The following FGF12 variants were observed in gnomAD, a reference collection of about 807,000 sequenced individuals.
FGF12 encodes the protein fibroblast growth factor 12.
In FGF12, 14 loss-of-function variants were observed where a neutral mutation model predicts 23.6. The ratio of observed to expected loss-of-function variants is 0.59; its 90% CI spans 0.39 to 0.93. The LOEUF is 0.93. Among genes scored for constraint, FGF12 ranks in the 40% least tolerant of loss-of-function variants. The pLI, the probability that FGF12 is intolerant of heterozygous loss-of-function variation, is 0.00. For synonymous variants in FGF12, 62 were observed against 77.3 expected (o/e 0.80, Z 1.04); for missense variants, 175 against 217.8 (o/e 0.80, Z 1.24).
chr3:192,333,757 G>C (rs543829902), intron 4 of FGF12, among the ~76,000 whole-genome samples: 4 of 152,044 alleles, frequency 2.6e-5, no homozygotes, highest in Non-Finnish European at 4.4e-5. Context: ...AGTGAAAATC[G>C]ATGGACAAAA....
intron 2 of FGF12, among the ~76,000 whole-genome samples, chr3:192,375,913 T>C (rs1719472093): frequency 6.6e-6 from 1 of 152,224 alleles, no homozygotes; most frequent in East Asian, 1.9e-4. Context: ...TTGTAGTTAA[T>C]CTGTCTTTTC....
At chr3:192,249,177 C>G (rs1032759678) in intron 4 of FGF12, among the ~76,000 whole-genome samples, 4 of 151,982 alleles carry the variant, frequency 2.6e-5, no homozygotes, top group Non-Finnish European at 4.4e-5. Context: ...TAACTCCCAT[C>G]CAAGGTCCCT....
intron 4 of FGF12, among the ~76,000 whole-genome samples, chr3:192,300,465 C>T (rs1018749584): frequency 2.6e-5 from 4 of 152,026 alleles, no homozygotes; most frequent in African/African-American, 9.7e-5. Context: ...GACTACCAAT[C>T]TATTACCTTC....
chr3:192,658,397 C>T (rs915949853), intron 2 of FGF12, among the ~76,000 whole-genome samples: 1 of 152,162 alleles, frequency 6.6e-6, no homozygotes, highest in African/African-American at 2.4e-5. Flanking sequence ...TGAGAACGTT[C>T]CCTTGGGTAC....
intron 2 of FGF12, among the ~76,000 whole-genome samples, chr3:192,667,218 G>A (rs1262622509): frequency 6.6e-6 from 1 of 152,144 alleles, no homozygotes; most frequent in Non-Finnish European, 1.5e-5. Context: ...TGCTTTAATA[G>A]AGGATCTATA....
rs35349561 is a variant in FGF12 at position 192,163,828 on chromosome 3, A to AGTGTGTGTGTGTGTGTGTGT, written c.427+6610_427+6629dup. 3.1e-3 allele frequency among the ~76,000 whole-genome samples: 470 copies of AGTGTGTGTGTGTGTGTGTGT among 149,480 alleles called. 3 individuals carry two copies. Among genetic ancestry groups the AGTGTGTGTGTGTGTGTGTGT allele is most frequent in the East Asian group, 0.016 (81 of 5,098 alleles). On this transcript the variant is annotated intron_variant, in intron 5 of 5. Transcript: ENST00000445105. ...CCATGTATATGGCCAAGTGTGTGTG[A>AGTGTGTGTGTGTGTGTGTGT]GTGTGTGTGTGTGTGTGTGTGTGTG...
intron 2 of FGF12, among the ~76,000 whole-genome samples, chr3:192,626,677 A>C (rs1394138193): frequency 1.3e-5 from 2 of 152,154 alleles, no homozygotes; most frequent in South Asian, 4.1e-4. Flanking sequence ...CAGTGGTGCT[A>C]TCATAGCTCC....
chr3:192,304,383 T>G (rs1376580791), intron 4 of FGF12, among the ~76,000 whole-genome samples: 1 of 152,214 alleles, frequency 6.6e-6, no homozygotes, highest in African/African-American at 2.4e-5. Flanking sequence ...GCTCTACATA[T>G]AACTAAAAAC....
intron 4 of FGF12, among the ~76,000 whole-genome samples, chr3:192,173,301 G>GA (rs986826403): frequency 2.0e-5 from 3 of 150,332 alleles, no homozygotes; most frequent in Admixed American, 6.7e-5. Flanking sequence ...ATATCTCAAT[G>GA]AAAAAAAATC....
intron 2 of FGF12, among the ~76,000 whole-genome samples, chr3:192,707,511 G>A (rs966163692): frequency 1.3e-5 from 2 of 152,102 alleles, no homozygotes; most frequent in Non-Finnish European, 2.9e-5. Flanking sequence ...ACTTTGGGAG[G>A]CTGAGGCAAA....
intron 2 of FGF12, among the ~76,000 whole-genome samples, chr3:192,563,619 G>A (rs1712141853): frequency 6.6e-6 from 1 of 152,310 alleles, no homozygotes; most frequent in Non-Finnish European, 1.5e-5. Context: ...CAATTACATA[G>A]TGCTTTGTCA....
intron 4 of FGF12, among the ~76,000 whole-genome samples, chr3:192,193,361 C>A (rs1006103044): frequency 1.3e-5 from 2 of 152,122 alleles, no homozygotes; most frequent in Non-Finnish European, 2.9e-5. Context: ...ACGATCACCC[C>A]ATCACTGTCT....
intron 2 of FGF12, among the ~76,000 whole-genome samples, chr3:192,532,522 A>G (rs35322657): frequency 0.07 from 10,603 of 152,154 alleles, 420 homozygotes; most frequent in Middle Eastern, 0.11. Context: ...TTTAAAAGCA[A>G]TTGAGTTCTT....
intron 2 of FGF12, among the ~76,000 whole-genome samples, chr3:192,537,528 T>C (rs1725252739): frequency 6.6e-6 from 1 of 152,208 alleles, no homozygotes; most frequent in Non-Finnish European, 1.5e-5. Flanking sequence ...TGTTAGTTTT[T>C]GTTAGCATTT....
chr3:192,657,464 C>A lies in FGF12; in HGVS notation c.13+69717G>T, dbSNP rs562934821. On this transcript the variant is annotated intron_variant, in intron 2 of 5. Coordinates refer to ENST00000445105, the MANE Select transcript of FGF12 (RefSeq NM_004113.6). ...ACTATTAGAACTGTAAAACAAGCTC[C>A]TAAAAGAACCTCCCATAGTGTAGGG... Among the ~76,000 whole-genome samples, 3 of 150,992 alleles carry A rather than the reference C, an allele frequency of 2.0e-5. No individual in the cohort carries two copies. In the South Asian group the frequency reaches 6.3e-4, roughly 32 times the overall value.
chr3:192,203,143 G>A (rs1717461402), intron 4 of FGF12, among the ~76,000 whole-genome samples: 1 of 149,746 alleles, frequency 6.7e-6, no homozygotes, highest in African/African-American at 2.5e-5. Context: ...TTGTGTGTGT[G>A]TGTGTGTGTG....
chr3:192,298,354 C>T (rs1009140486), intron 4 of FGF12, among the ~76,000 whole-genome samples: 2 of 152,046 alleles, frequency 1.3e-5, no homozygotes, highest in South Asian at 2.1e-4. Flanking sequence ...ACAGGAAGGT[C>T]GGAGAACAAA....
chr3:192,588,743 G>GA (rs1205773296), intron 2 of FGF12, among the ~76,000 whole-genome samples: 1 of 151,944 alleles, frequency 6.6e-6, no homozygotes, highest in African/African-American at 2.4e-5. Flanking sequence ...GAAACTGGGA[G>GA]ACAGTATTTA....
At chr3:192,343,234 T>C (rs193247440) in intron 3 of FGF12, among the ~76,000 whole-genome samples, 51 of 152,294 alleles carry the variant, frequency 3.3e-4, no homozygotes, top group African/African-American at 1.1e-3. Flanking sequence ...ATGTGGAACA[T>C]ACTGAGAGAG....
Sources: allele counts gnomAD v4.1 joint callset (sites outside exome capture counted in the v4.1 genomes callset), GRCh38; gene constraint gnomAD v4.1.1; transcripts MANE v1.5; gene names NCBI Gene and HGNC (gene_info 2026-07-23, HGNC 2026-07-21).